The following MYO5B variants were observed in gnomAD, a reference collection of about 807,000 sequenced individuals.
MYO5B encodes the protein unconventional myosin-Vb.
MYO5B carries 143 observed loss-of-function variants against 229.3 expected under a neutral mutation model. The ratio of observed to expected loss-of-function variants is 0.62; its 90% CI spans 0.54 to 0.72. MYO5B has a LOEUF of 0.72. Ranked by LOEUF, MYO5B falls within the 30% of genes least tolerant of loss-of-function variation. The pLI is 0.00. For synonymous variants in MYO5B, 918 were observed against 885.2 expected (o/e 1.04, Z -0.66); for missense variants, 2,321 against 2,331.0 (o/e 1.00, Z 0.09).
At chr18:50,128,349 G>T (rs528738967) in intron 1 of MYO5B, among the ~76,000 whole-genome samples, 12 of 152,320 alleles carry the variant, frequency 7.9e-5, no homozygotes, top group Non-Finnish European at 1.3e-4. Context: ...ACTGTGAGGT[G>T]CAACAGCTGA....
intron 10 of MYO5B, among the ~76,000 whole-genome samples, chr18:49,964,577 T>G (rs1483172988): frequency 6.6e-6 from 1 of 152,212 alleles, no homozygotes; most frequent in African/African-American, 2.4e-5. Flanking sequence ...ATCACAGCTC[T>G]TTGGTCAACT....
chr18:49,951,899 A>G (rs2025434912), intron 14 of MYO5B, among the ~76,000 whole-genome samples: 1 of 152,210 alleles, frequency 6.6e-6, no homozygotes, highest in Non-Finnish European at 1.5e-5. Context: ...CTCATGAAAA[A>G]ATGGAAAAAG....
Position 50,171,331 on chromosome 18 carries a change from C to T in MYO5B, c.27+23436G>A, listed in dbSNP as rs747818336. Among the ~76,000 whole-genome samples the T allele has an allele frequency of 9.4e-5, 12 of 128,004 alleles. 3 individuals are homozygous for T. The highest frequency in any genetic ancestry group is 2.0e-4 in the Non-Finnish European group (12 of 59,988). 84.0% of individuals were successfully genotyped at this position (128,004 alleles called of 152,430 possible). A position where few individuals can be genotyped will look rare whatever the true frequency, so the allele number is the denominator to read the frequency against. Reference sequence around the variant, plus strand: ...CCATGTAATGGATGGACACGATTTACAGTAATTGCCTCTGTACAGAGAATA... The same window carrying T: ...CCATGTAATGGATGGACACGATTTATAGTAATTGCCTCTGTACAGAGAATA... On this transcript the variant is annotated intron_variant, in intron 1 of 39. Coordinates refer to ENST00000285039, the MANE Select transcript of MYO5B (RefSeq NM_001080467.3).
intron 14 of MYO5B, among the ~76,000 whole-genome samples, chr18:49,938,605 T>C (rs999612392): frequency 1.3e-5 from 2 of 152,044 alleles, no homozygotes; most frequent in African/African-American, 4.8e-5. Context: ...CCCACTTAAG[T>C]GCATGGCTCC....
At chr18:50,192,408 G>C (rs780561988) in intron 1 of MYO5B, among the ~76,000 whole-genome samples, 9 of 152,196 alleles carry the variant, frequency 5.9e-5, no homozygotes, top group Non-Finnish European at 1.0e-4. Context: ...AGGTGGAAGA[G>C]GTCCAGTCAC....
intron 1 of MYO5B, among the ~76,000 whole-genome samples, chr18:50,143,049 G>A (rs556919533): frequency 3.3e-5 from 5 of 152,236 alleles, no homozygotes; most frequent in Non-Finnish European, 7.3e-5. Flanking sequence ...CAAGGGGAAT[G>A]TGGTAATTAC....
intron 4 of MYO5B, among the ~76,000 whole-genome samples, chr18:50,005,840 T>A (rs2026095420): frequency 6.6e-6 from 1 of 152,158 alleles, no homozygotes; most frequent in Admixed American, 6.5e-5. Flanking sequence ...CTTCAATATA[T>A]ATGCTTCTAT....
intron 4 of MYO5B, among the ~76,000 whole-genome samples, chr18:50,011,199 G>A (rs1055681669): frequency 2.0e-5 from 3 of 152,078 alleles, no homozygotes; most frequent in Non-Finnish European, 4.4e-5. Flanking sequence ...AAAATTAGCC[G>A]GGCGTGGTGG....
At position 49,904,736 on chromosome 18, in the gene MYO5B, C is replaced by A; in HGVS notation, c.2507G>T (p.Arg836Leu). The change falls in exon 20 of 40, where the codon CGC becomes CTC. Residue 836 changes from arginine to leucine, a missense_variant. This residue lies in a region of MYO5B where 2,113 missense variants were observed against 2,044.7 expected (regional missense o/e 1.03). Transcript: ENST00000285039. ...GGCCTGGATAACAACGGCAGCTCTGCGGACCCTCTGGTAGGCCTGGCGGGC... is the reference window on the plus strand; with the variant it reads ...GGCCTGGATAACAACGGCAGCTCTGAGGACCCTCTGGTAGGCCTGGCGGGC... Reference protein sequence around the residue: ...QRARQAYQRVRRAAVVIQAFT... With the variant: ...QRARQAYQRVLRAAVVIQAFT... 3 of 1,614,056 alleles carry A rather than the reference C, an allele frequency of 1.9e-6. No homozygotes were observed. Among genetic ancestry groups the A allele is most frequent in the Non-Finnish European group, 2.5e-6 (3 of 1,180,042 alleles).
At chr18:49,831,382 A>G (rs145504563) in intron 39 of MYO5B, among the ~76,000 whole-genome samples, 182 of 152,350 alleles carry the variant, frequency 1.2e-3, no homozygotes, top group African/African-American at 4.2e-3. Context: ...TAAGGATTTA[A>G]TATCCAGATT....
At position 49,853,526 on chromosome 18, in the gene MYO5B, T is replaced by C. The variant is rs1297511440; in HGVS notation, c.4144A>G (p.Thr1382Ala). The change falls in exon 31 of 40, where the codon ACG (threonine) becomes GCG (alanine). Residue 1382 changes from threonine (T) to alanine (A), a missense_variant. Thr to Ala is a moderately conservative substitution (Grantham distance 58). Coordinates refer to ENST00000285039, the MANE Select transcript of MYO5B (RefSeq NM_001080467.3). Reference sequence around the variant, plus strand: ...TGGGCCTCTGGGGAGAGCAGTAGCGTCTGGCAGAAGGTCTGCTGCTGTTTG... The same window carrying C: ...TGGGCCTCTGGGGAGAGCAGTAGCGCCTGGCAGAAGGTCTGCTGCTGTTTG... The part of the protein sequence containing the change: ...MDKQQQTFCQ[T>A]LLLSPEAQVE... 1 of 1,614,156 alleles carries C rather than the reference T, an allele frequency of 6.2e-7. No individual in the cohort carries two copies. The highest frequency in any genetic ancestry group is 2.2e-5 in the East Asian group (1 of 44,874).
At chr18:49,907,955 C>T (rs75877971) in intron 18 of MYO5B, among the ~76,000 whole-genome samples, 7,930 of 152,242 alleles carry the variant, frequency 0.052, 296 homozygotes, top group Non-Finnish European at 0.077. Flanking sequence ...GAGGCAGCCA[C>T]GGCCCTGCTT....
chr18:49,877,801 C>T lies in MYO5B; in HGVS notation c.3358G>A (p.Glu1120Lys). 6.2e-7 allele frequency: 1 copy of T among 1,614,138 alleles called. No individual in the cohort carries two copies. The highest frequency in any genetic ancestry group is 8.5e-7 in the Non-Finnish European group (1 of 1,179,990). The change falls in exon 25 of 40, where the codon GAG becomes AAG. Residue 1120 changes from glutamate to lysine, a missense_variant. Physicochemically the swap from Glu to Lys is moderately conservative, Grantham distance 56 (BLOSUM62 1). This residue lies in a region of MYO5B where 2,113 missense variants were observed against 2,044.7 expected (regional missense o/e 1.03). Transcript: ENST00000285039. ...AGGGCATCCTCAGTGTCTCCGATCT[C>T]AGATGTGGAGATGGAGGGGTAATTG... Reference protein sequence around the residue: ...DSNYPSISTSEIGDTEDALQQ... With the variant: ...DSNYPSISTSKIGDTEDALQQ...
intron 16 of MYO5B, among the ~76,000 whole-genome samples, chr18:49,932,615 A>G (rs2025205486): frequency 6.6e-6 from 1 of 152,202 alleles, no homozygotes; most frequent in Admixed American, 6.5e-5. Context: ...ATGAGAGCTC[A>G]ACATATCTGC....
At chr18:49,846,150 G>A (rs765553664) in intron 33 of MYO5B, among the ~76,000 whole-genome samples, 21 of 152,188 alleles carry the variant, frequency 1.4e-4, no homozygotes, top group Non-Finnish European at 2.6e-4. Context: ...GCAGATGATC[G>A]CAGGGACAGT....
chr18:50,045,529 G>T (rs1397502586), intron 2 of MYO5B, among the ~76,000 whole-genome samples: 2 of 152,106 alleles, frequency 1.3e-5, no homozygotes, highest in Non-Finnish European at 1.5e-5. Flanking sequence ...AAGTAGCTCG[G>T]ACTACAGTTA....
intron 4 of MYO5B, among the ~76,000 whole-genome samples, chr18:50,004,379 C>T (rs1393939359): frequency 6.6e-6 from 1 of 152,172 alleles, no homozygotes; most frequent in Non-Finnish European, 1.5e-5. Context: ...AATCTTTACA[C>T]TTGAGGCTCT....
At chr18:50,034,473 G>A (rs762129978) in intron 4 of MYO5B, among the ~76,000 whole-genome samples, 10 of 152,228 alleles carry the variant, frequency 6.6e-5, no homozygotes, top group Non-Finnish European at 2.9e-5. Context: ...GTCGTGCGTG[G>A]TGGCTCACGC....
At chr18:50,043,626 ATAAATATAT>A (rs1407702740) in intron 2 of MYO5B, among the ~76,000 whole-genome samples, 2 of 135,398 alleles carry the variant, frequency 1.5e-5, no homozygotes, top group Non-Finnish European at 1.5e-5. Context: ...ATATAAATAT[ATAAATATAT>A]TAAATATATT....
Sources: allele counts gnomAD v4.1 joint callset (sites outside exome capture counted in the v4.1 genomes callset), GRCh38; gene constraint gnomAD v4.1.1; regional missense constraint gnomAD v4.1.1; transcripts MANE v1.5; gene names NCBI Gene and HGNC (gene_info 2026-07-23, HGNC 2026-07-21).